The following FBN1 variants were observed in gnomAD, a reference collection of about 807,000 sequenced individuals.
FBN1 encodes the protein fibrillin-1.
Under a neutral mutation model 365.1 loss-of-function variants are expected in FBN1, and 29 were observed. The observed-to-expected ratio is 0.08, with a 90% CI of 0.06 to 0.11. FBN1 has a LOEUF of 0.11. Ranked by LOEUF, FBN1 falls within the 10% of genes least tolerant of loss-of-function variation. The probability of loss-of-function intolerance (pLI) is 1.00; values close to 1 mark genes in which losing one functional copy is unlikely to be tolerated. For missense variants in FBN1, 2,476 were observed against 3,703.2 expected (o/e 0.67, Z 8.60); for synonymous variants, 1,210 against 1,270.5 (o/e 0.95, Z 1.01).
At position 48,472,582 on chromosome 15, in the gene FBN1, G is replaced by A. The variant is rs1243628683; in HGVS notation, c.4305C>T (p.Phe1435=). Residue 1435 remains phenylalanine (F), a synonymous_variant, in exon 35 of 66, where the codon TTC becomes TTT. Transcript: ENST00000316623. ...GGYRCECDMG[F]VPSADGKACE... ...AGGCTTTCCCGTCAGCACTGGGCAC[G>A]AAGCCCATGTCGCATTCACAGCGGT... 1.4e-5 allele frequency: 23 copies of A among 1,613,814 alleles called. No individual in the cohort carries two copies. Among genetic ancestry groups the A allele is most frequent in the East Asian group, 2.2e-5 (1 of 44,858 alleles).
Position 48,437,879 on chromosome 15 carries a change from C to G in FBN1, c.6202G>C (p.Gly2068Arg). The change falls in exon 51 of 66, where the codon GGA (glycine) becomes CGA (arginine). Residue 2068 changes from glycine to arginine, a missense_variant. Around this residue, in one of 5 missense-constraint regions of FBN1, gnomAD observed 1,780 missense variants for 2,840.8 expected, o/e 0.63. Transcript: ENST00000316623. ...CTGGATTTGGGTGATGAACACTTTC[C>G]TCCTTCAAACTTCGCATAACAGTAG... ...MSYCYAKFEG[G>R]KCSSPKSRNH... 6.2e-7 allele frequency: 1 copy of G among 1,613,852 alleles called. No individual in the cohort carries two copies. Among genetic ancestry groups the G allele is most frequent in the South Asian group, 1.1e-5 (1 of 91,076 alleles).
intron 54 of FBN1, among the ~76,000 whole-genome samples, chr15:48,433,370 A>C (rs186219804): frequency 2.6e-5 from 4 of 152,320 alleles, no homozygotes; most frequent in African/African-American, 9.6e-5. Context: ...TGGCGTGGGA[A>C]TCAGTTTTGC....
intron 6 of FBN1, among the ~76,000 whole-genome samples, chr15:48,567,824 G>T (rs541377709): frequency 6.6e-6 from 1 of 151,730 alleles, no homozygotes; most frequent in African/African-American, 2.4e-5. Context: ...CCTGTTGAAG[G>T]GTACCTACGA....
intron 6 of FBN1, among the ~76,000 whole-genome samples, chr15:48,539,856 T>C (rs1271305178): frequency 6.6e-6 from 1 of 152,168 alleles, no homozygotes; most frequent in Non-Finnish European, 1.5e-5. Context: ...TTTTATATAG[T>C]CAAGCTGTAG....
At chr15:48,491,458 C>T (rs2043557831) in intron 24 of FBN1, among the ~76,000 whole-genome samples, 1 of 152,004 alleles carries the variant, frequency 6.6e-6, no homozygotes, top group Non-Finnish European at 1.5e-5. Flanking sequence ...TCATGCCATT[C>T]TCCTGCCTCA....
intron 6 of FBN1, among the ~76,000 whole-genome samples, chr15:48,546,971 G>A (rs1482938454): frequency 6.6e-6 from 1 of 152,084 alleles, no homozygotes; most frequent in Non-Finnish European, 1.5e-5. Flanking sequence ...CTAATAATCC[G>A]TTAACAAGTT....
chr15:48,508,552 G>T, intron 15 of FBN1, 30 bp downstream of exon 15: 1 of 1,613,400 alleles, frequency 6.2e-7, no homozygotes, highest in Non-Finnish European at 8.5e-7. Flanking sequence ...GGCACGTGAA[G>T]AACATGATCT....
chr15:48,453,202 G>A (rs1403994459), intron 44 of FBN1, among the ~76,000 whole-genome samples: 1 of 149,926 alleles, frequency 6.7e-6, no homozygotes, highest in Non-Finnish European at 1.5e-5. Flanking sequence ...GTAGCAGCGA[G>A]CCAAGATCAT....
chr15:48,549,726 A>G (rs187191921), intron 6 of FBN1, among the ~76,000 whole-genome samples: 15 of 152,324 alleles, frequency 9.8e-5, no homozygotes, highest in African/African-American at 3.4e-4. Context: ...GAAGTAACTA[A>G]TAAGAATTTG....
intron 30 of FBN1, among the ~76,000 whole-genome samples, chr15:48,484,807 A>G (rs1181825883): frequency 1.3e-5 from 2 of 152,216 alleles, no homozygotes; most frequent in African/African-American, 2.4e-5. Context: ...CTATGTTATT[A>G]CCCACTTTGT....
intron 4 of FBN1, 100 bp from the exon 5 acceptor site, chr15:48,600,334 T>G: frequency 2.4e-6 from 2 of 831,232 alleles, no homozygotes; most frequent in South Asian, 2.8e-5. Flanking sequence ...GAAAATCAAA[T>G]AGCTTATCAG....
chr15:48,490,119 G>A, intron 24 of FBN1, 41 bp from the exon 25 acceptor site: 2 of 1,551,120 alleles, frequency 1.3e-6, no homozygotes, highest in Non-Finnish European at 8.9e-7. Context: ...GAGCCACACG[G>A]CTTCCACTGC....
intron 34 of FBN1, 103 bp from the exon 35 acceptor site, chr15:48,472,779 A>C: frequency 6.7e-7 from 1 of 1,487,050 alleles, no homozygotes; most frequent in South Asian, 1.1e-5. Flanking sequence ...GCATAACTTC[A>C]ATTTGACACA....
At chr15:48,617,428 C>T (rs1452414867) in intron 2 of FBN1, among the ~76,000 whole-genome samples, 1 of 152,142 alleles carries the variant, frequency 6.6e-6, no homozygotes, top group Non-Finnish European at 1.5e-5. Context: ...CCGCCTCTGC[C>T]TCCCAAAGTG....
chr15:48,575,802 TACACACAC>T lies in FBN1; in HGVS notation c.538+20473_538+20480del, dbSNP rs58125518. On this transcript the variant is annotated intron_variant, in intron 6 of 65. Coordinates refer to ENST00000316623, the MANE Select transcript of FBN1 (RefSeq NM_000138.5). The stretch of plus-strand genomic sequence containing the variant: ...AGGGCTGGATAAAGAAAATGTGAGA[TACACACAC>T]ACACACACACACACACACACACACA... Among the ~76,000 whole-genome samples, 2,277 of 140,210 alleles carry T rather than the reference TACACACAC, an allele frequency of 0.016. 150 individuals carry two copies. In the East Asian group the frequency reaches 0.22, roughly 14 times the overall value. The allele number at this position is 140,210 out of a possible 152,430, so 92.0% of individuals were successfully genotyped here.
At chr15:48,533,661 C>A (rs1173111342) in intron 8 of FBN1, among the ~76,000 whole-genome samples, 2 of 152,168 alleles carry the variant, frequency 1.3e-5, no homozygotes, top group African/African-American at 4.8e-5. Context: ...ATAGATCAAT[C>A]TGCCTCCCCA....
rs1013177717 is a variant in FBN1, at chr15:48,487,085, T to C, written c.3579A>G (p.Leu1193=). The C allele has an allele frequency of 3.1e-6, 5 of 1,605,698 alleles. No homozygotes were observed. The highest frequency in any genetic ancestry group is 1.1e-5 in the South Asian group (1 of 88,366). Residue 1193 remains leucine (L), a synonymous_variant, in exon 29 of 66, where the codon CTA becomes CTG. Transcript: ENST00000316623. ...NPGYHSTPDR[L]FCVDIDECSI... The stretch of plus-strand genomic sequence containing the variant: ...TAAAAAAGAACTTACCAACACAAAA[T>C]AGCCTATCGGGAGTTGAATGGTAGC...
chr15:48,570,656 A>G (rs2044300090), intron 6 of FBN1, among the ~76,000 whole-genome samples: 2 of 152,206 alleles, frequency 1.3e-5, no homozygotes, highest in Admixed American at 1.3e-4. Flanking sequence ...AAACTGGAAA[A>G]GTCAATTCTT....
In FBN1 at chr15:48,415,744, G is replaced by A. The variant is rs2042899271; in HGVS notation, c.7843C>T (p.His2615Tyr). The part of the protein sequence containing the change: ...CVDENECLSA[H>Y]ICGGASCHNT... ...TGACAGGAGGCTCCTCCGCAGATGT[G>A]AGCGCTGAGGCATTCGTTTTCATCT... Residue 2615 changes from histidine (H) to tyrosine (Y), a missense_variant, in exon 64 of 66, where the codon CAC becomes TAC. This residue lies in a region of FBN1 where 1,780 missense variants were observed against 2,840.8 expected (regional missense o/e 0.63). Coordinates refer to ENST00000316623, the MANE Select transcript of FBN1 (RefSeq NM_000138.5). 6 of 1,614,058 alleles carry A rather than the reference G, an allele frequency of 3.7e-6. No homozygotes were observed. The highest frequency in any genetic ancestry group is 5.1e-6 in the Non-Finnish European group (6 of 1,179,986).
Sources: allele counts gnomAD v4.1 joint callset (sites outside exome capture counted in the v4.1 genomes callset), GRCh38; gene constraint gnomAD v4.1.1; regional missense constraint gnomAD v4.1.1; transcripts MANE v1.5; gene names NCBI Gene and HGNC (gene_info 2026-07-23, HGNC 2026-07-21).